The following CLEC16A variants were observed in gnomAD, a reference collection of about 807,000 sequenced individuals.
The protein encoded by CLEC16A is C-type lectin domain containing 16A.
In CLEC16A, 51 loss-of-function variants were observed where a neutral mutation model predicts 109.5. The observed-to-expected ratio is 0.47, with a 90% CI of 0.37 to 0.59. The LOEUF is 0.59. CLEC16A is among the 20% of genes least tolerant of loss of function. CLEC16A has a pLI of 0.00. For synonymous variants in CLEC16A, 673 were observed against 564.2 expected (o/e 1.19, Z -2.73); for missense variants, 1,339 against 1,394.0 (o/e 0.96, Z 0.63).
intron 23 of CLEC16A, among the ~76,000 whole-genome samples, chr16:11,171,020 A>G (rs1209847795): frequency 6.6e-6 from 1 of 152,024 alleles, no homozygotes; most frequent in African/African-American, 2.4e-5. Context: ...GTCCCAAACC[A>G]CATCTCCTAG....
At chr16:11,062,702 C>G (rs1052846810) in intron 19 of CLEC16A, among the ~76,000 whole-genome samples, 3 of 152,176 alleles carry the variant, frequency 2.0e-5, no homozygotes, top group Admixed American at 6.5e-5. Flanking sequence ...TATGTTTTAT[C>G]TTTCCCTTTC....
Position 11,178,661 on chromosome 16 carries a change from G to A in CLEC16A, c.3133G>A (p.Ala1045Thr), listed in dbSNP as rs934598518. The A allele has an allele frequency of 6.5e-7, 1 of 1,546,512 alleles. No individual in the cohort carries two copies. Among genetic ancestry groups the A allele is most frequent in the Non-Finnish European group, 8.7e-7 (1 of 1,151,418 alleles). Reference protein sequence around the residue: ...TEPVGEEAACAEPVGTAED With the variant: ...TEPVGEEAACTEPVGTAED ...GCCCGTGGGCGAAGAGGCTGCATGT[G>A]CTGAGCCTGTGGGCACCGCTGAGGA... Residue 1045 changes from alanine (A) to threonine (T), a missense_variant, in exon 24 of 24, where the codon GCT becomes ACT. Coordinates refer to ENST00000409790, the MANE Select transcript of CLEC16A (RefSeq NM_015226.3). The surrounding 1 kb of genome is among the most constrained non-coding windows in gnomAD (Gnocchi z 6.5).
At chr16:10,965,252 G>T (rs1247797661) in intron 3 of CLEC16A, among the ~76,000 whole-genome samples, 1 of 152,212 alleles carries the variant, frequency 6.6e-6, no homozygotes, top group Non-Finnish European at 1.5e-5. Context: ...CTGCAAAAAG[G>T]GTAGAAATCA....
intron 19 of CLEC16A, among the ~76,000 whole-genome samples, chr16:11,119,890 G>A (rs977700732): frequency 5.3e-5 from 8 of 152,178 alleles, no homozygotes; most frequent in African/African-American, 1.7e-4. Context: ...AGCGTTGGAT[G>A]TTTCTCCATT....
At chr16:11,131,063 G>A (rs1438501681) in intron 22 of CLEC16A, among the ~76,000 whole-genome samples, 1 of 152,214 alleles carries the variant, frequency 6.6e-6, no homozygotes, top group African/African-American at 2.4e-5. Flanking sequence ...TTATTGGCTG[G>A]TTTTATGTTG....
intron 21 of CLEC16A, among the ~76,000 whole-genome samples, chr16:11,124,487 A>G (rs1314302597): frequency 6.6e-6 from 1 of 152,208 alleles, no homozygotes; most frequent in Admixed American, 6.5e-5. Flanking sequence ...CTTGGAAGGA[A>G]GTCATTTTAC....
intron 1 of CLEC16A, among the ~76,000 whole-genome samples, chr16:10,956,065 A>T (rs1345994168): frequency 6.6e-6 from 1 of 152,272 alleles, no homozygotes; most frequent in Non-Finnish European, 1.5e-5. Flanking sequence ...GATTCATCCC[A>T]GGGTGGTTCA....
intron 22 of CLEC16A, among the ~76,000 whole-genome samples, chr16:11,149,040 C>T (rs2153076775): frequency 6.6e-6 from 1 of 152,234 alleles, no homozygotes; most frequent in East Asian, 1.9e-4. Flanking sequence ...CAATCAAAGG[C>T]CAAAGAGGGC....
At chr16:11,066,904 A>G (rs2048791576) in intron 19 of CLEC16A, among the ~76,000 whole-genome samples, 2 of 152,204 alleles carry the variant, frequency 1.3e-5, no homozygotes. Flanking sequence ...TTCATAGCCC[A>G]GAAAAGCATC....
At chr16:10,959,588 C>T (rs535754173) in intron 2 of CLEC16A, among the ~76,000 whole-genome samples, 2 of 152,040 alleles carry the variant, frequency 1.3e-5, no homozygotes, top group East Asian at 1.9e-4. Flanking sequence ...GATGGTGTTT[C>T]GCCATGTTGG....
chr16:10,963,390 GT>G (rs1256842645), intron 3 of CLEC16A, among the ~76,000 whole-genome samples: 3 of 152,208 alleles, frequency 2.0e-5, no homozygotes, highest in Non-Finnish European at 4.4e-5. Flanking sequence ...GCCTGTGTTT[GT>G]TTCTGTGTGG....
At chr16:10,971,655 C>A in intron 5 of CLEC16A, 1 of 386,452 alleles carries the variant, frequency 2.6e-6, no homozygotes, top group Non-Finnish European at 3.5e-6. Flanking sequence ...CAGCAGGGGG[C>A]AATGTTGTAT....
At position 11,178,887 on chromosome 16, in the gene CLEC16A, T is replaced by A. The variant is rs1028777486; in HGVS notation, c.*197T>A. On this transcript the variant is annotated 3_prime_UTR_variant, in exon 24 of 24. Coordinates refer to ENST00000409790, the MANE Select transcript of CLEC16A (RefSeq NM_015226.3). This position sits in a 1 kb window ranked among gnomAD's most constrained non-coding sequence, Gnocchi z 6.5. ...AATTCCTTTTTCACTTTGCATCTCT[T>A]CACGTGCAGGCTGGGACCAGCGGAG... The A allele has an allele frequency of 7.5e-6, 4 of 535,918 alleles. No homozygotes were observed. In the African/African-American group the frequency reaches 7.7e-5, roughly 10 times the overall value. The allele number at this position is 535,918 out of a possible 1,614,324, so 33.2% of individuals were successfully genotyped here. A position where few individuals can be genotyped will look rare whatever the true frequency, so the allele number is the denominator to read the frequency against.
At chr16:11,166,296 A>G in intron 22 of CLEC16A, 92 bp from the exon 23 acceptor site, 1 of 1,394,456 alleles carries the variant, frequency 7.2e-7, no homozygotes, top group Middle Eastern at 1.8e-4. Context: ...CTTTCAAGGA[A>G]CTGAGGTTGG....
At chr16:10,956,185 C>T (rs772602794) in intron 1 of CLEC16A, among the ~76,000 whole-genome samples, 1 of 152,144 alleles carries the variant, frequency 6.6e-6, no homozygotes, top group Non-Finnish European at 1.5e-5. Context: ...TTTTTGAGGG[C>T]TCTTCTAATT....
chr16:10,996,497 T>C (rs2044335507), intron 10 of CLEC16A, among the ~76,000 whole-genome samples: 1 of 152,118 alleles, frequency 6.6e-6, no homozygotes, highest in Non-Finnish European at 1.5e-5. Context: ...GAGCTGGCTT[T>C]CCTACTATTC....
chr16:11,016,856 A>C (rs1412254270), intron 11 of CLEC16A, among the ~76,000 whole-genome samples: 1 of 152,146 alleles, frequency 6.6e-6, no homozygotes, highest in Non-Finnish European at 1.5e-5. Context: ...CCACTTAGAA[A>C]GCACTGTTGG....
chr16:11,049,144 A>C (rs1490745157), intron 17 of CLEC16A, among the ~76,000 whole-genome samples: 1 of 151,846 alleles, frequency 6.6e-6, no homozygotes, highest in Non-Finnish European at 1.5e-5. Context: ...AGTAGCTGGG[A>C]TTACAGGCGC....
At chr16:11,134,475 C>T (rs1274506417) in intron 22 of CLEC16A, among the ~76,000 whole-genome samples, 1 of 152,156 alleles carries the variant, frequency 6.6e-6, no homozygotes, top group Non-Finnish European at 1.5e-5. Context: ...ATGAGATAGG[C>T]TGAGATCTGT....
Sources: gnomAD v4.1 joint callset for allele counts (sites outside exome capture counted in the v4.1 genomes callset) on GRCh38, gnomAD v4.1.1 for gene constraint, Gnocchi (gnomAD v3.1) non-coding constraint, MANE v1.5 for transcripts, NCBI Gene and HGNC (gene_info 2026-07-23, HGNC 2026-07-21) for gene names.